The following DYNC2H1 variants were observed in gnomAD, a reference collection of about 807,000 sequenced individuals.
DYNC2H1 encodes the protein cytoplasmic dynein 2 heavy chain 1.
In DYNC2H1, 410 loss-of-function variants were observed where a neutral mutation model predicts 570.0. The ratio of observed to expected loss-of-function variants is 0.72; its 90% CI spans 0.66 to 0.78. The LOEUF is 0.78. Ranked by LOEUF, DYNC2H1 falls within the 30% of genes least tolerant of loss-of-function variation. The pLI is 0.00. For missense variants in DYNC2H1, 4,865 were observed against 5,046.4 expected (o/e 0.96, Z 1.09); for synonymous variants, 1,688 against 1,677.6 (o/e 1.01, Z -0.15).
chr11:103,196,935 A>G (rs1288435114), intron 47 of DYNC2H1, among the ~76,000 whole-genome samples: 1 of 152,098 alleles, frequency 6.6e-6, no homozygotes, highest in Non-Finnish European at 1.5e-5. Flanking sequence ...TAGGGAAGGT[A>G]AGGTTGTTTT....
Position 103,209,853 on chromosome 11 carries a change from G to A in DYNC2H1, c.8455-23G>A. ...GATATGGGACTTATACTCTTTCATA[G>A]TGATATTCTTTTTATGTTTTAGATA... On this transcript the variant is annotated intron_variant, in intron 52 of 88. Coordinates refer to ENST00000375735, the MANE Select transcript of DYNC2H1 (RefSeq NM_001377.3). The surrounding 1 kb of genome is among the most constrained non-coding windows in gnomAD (Gnocchi z 4.2). 4.1e-6 allele frequency: 6 copies of A among 1,450,090 alleles called. No homozygotes were observed. Among genetic ancestry groups the A allele is most frequent in the Non-Finnish European group, 5.5e-6 (6 of 1,097,176 alleles). 89.8% of individuals were successfully genotyped at this position (1,450,090 alleles called of 1,614,324 possible). A position where few individuals can be genotyped will look rare whatever the true frequency, so the allele number is the denominator to read the frequency against.
chr11:103,321,846 CTG>C (rs1056623114), intron 81 of DYNC2H1, among the ~76,000 whole-genome samples: 18 of 151,436 alleles, frequency 1.2e-4, no homozygotes, highest in Non-Finnish European at 2.1e-4. Context: ...ATAAACCTAT[CTG>C]TGTATAAGTG....
chr11:103,406,618 G>A (rs546929578), intron 84 of DYNC2H1: 2 of 152,022 alleles, frequency 1.3e-5, no homozygotes, highest in South Asian at 4.1e-4. Flanking sequence ...GGAATGCGGC[G>A]ATTGTTAAAG....
At chr11:103,311,351 A>G (rs567739574) in intron 78 of DYNC2H1, among the ~76,000 whole-genome samples, 18 of 152,174 alleles carry the variant, frequency 1.2e-4, no homozygotes, top group South Asian at 2.1e-4. Context: ...AGTCTGATAT[A>G]TAATTTCACT....
chr11:103,333,017 C>A (rs975456621), intron 82 of DYNC2H1, among the ~76,000 whole-genome samples: 5 of 143,014 alleles, frequency 3.5e-5, no homozygotes, highest in African/African-American at 1.0e-4. Context: ...AAAAAAAAAT[C>A]TTTCTTAAAT....
chr11:103,417,406 A>C (rs962760535), intron 84 of DYNC2H1, among the ~76,000 whole-genome samples: 4 of 152,126 alleles, frequency 2.6e-5, no homozygotes, highest in Non-Finnish European at 5.9e-5. Flanking sequence ...TGGCCCAATA[A>C]AGTGATTTTT....
Position 103,113,694 on chromosome 11 carries a change from C to A in DYNC2H1, c.353C>A (p.Pro118Gln). 1 of 1,525,938 alleles carries A rather than the reference C, an allele frequency of 6.6e-7. No individual in the cohort carries two copies. Among genetic ancestry groups the A allele is most frequent in the Non-Finnish European group, 8.7e-7 (1 of 1,146,322 alleles). The allele number at this position is 1,525,938 out of a possible 1,614,324, so 94.5% of individuals were successfully genotyped here. ...CAAGCAGTACGGCAAGTATTCGCACCAATGTTGTTAAAGGTGAGAAAAGAA... is the reference window on the plus strand; with the variant it reads ...CAAGCAGTACGGCAAGTATTCGCACAAATGTTGTTAAAGGTGAGAAAAGAA... ...LYQAVRQVFAPMLLKDQEWSR... is the reference protein window; with the variant it reads ...LYQAVRQVFAQMLLKDQEWSR... Residue 118 changes from proline to glutamine, a missense_variant, in exon 2 of 89, where the codon CCA becomes CAA. By Grantham distance (76) the Pro-to-Gln change is moderately conservative. Around this residue, in one of 5 missense-constraint regions of DYNC2H1, gnomAD observed 1,936 missense variants for 1,962.1 expected, o/e 0.99. Coordinates refer to ENST00000375735, the MANE Select transcript of DYNC2H1 (RefSeq NM_001377.3).
At chr11:103,224,984 C>T (rs1284415492) in intron 59 of DYNC2H1, among the ~76,000 whole-genome samples, 1 of 152,100 alleles carries the variant, frequency 6.6e-6, no homozygotes, top group Non-Finnish European at 1.5e-5. Flanking sequence ...TTTTGATTTG[C>T]ATTTCTCTGA....
Position 103,326,273 on chromosome 11 carries a change from C to T in DYNC2H1, c.12039+2283C>T, listed in dbSNP as rs78016744. Among the ~76,000 whole-genome samples, 4,494 of 152,162 alleles carry T rather than the reference C, an allele frequency of 0.03. 240 individuals carry two copies. The highest frequency in any genetic ancestry group is 0.1 in the African/African-American group (4,254 of 41,478). ...GAATAAAATCATCTCACCAGGGCCCCGTCCTTGGCTTTGAGTGAGCCTCTT... is the reference window on the plus strand; with the variant it reads ...GAATAAAATCATCTCACCAGGGCCCTGTCCTTGGCTTTGAGTGAGCCTCTT... On this transcript the variant is annotated intron_variant, in intron 82 of 88. Transcript: ENST00000375735. This position sits in a 1 kb window ranked among gnomAD's most constrained non-coding sequence, Gnocchi z 6.1.
At chr11:103,342,818 A>G (rs955922441) in intron 82 of DYNC2H1, among the ~76,000 whole-genome samples, 21 of 152,082 alleles carry the variant, frequency 1.4e-4, no homozygotes, top group African/African-American at 4.1e-4. Context: ...TAACACTGCA[A>G]AGTTCCACAG....
intron 84 of DYNC2H1, among the ~76,000 whole-genome samples, chr11:103,416,563 G>C (rs1009436932): frequency 1.1e-4 from 17 of 152,170 alleles, no homozygotes; most frequent in Non-Finnish European, 1.5e-4. Context: ...AATGGGGAAA[G>C]GATTTCCTTT....
Position 103,170,347 on chromosome 11 carries a change from T to G in DYNC2H1, c.5151+57T>G. ...ATGGGTTAATCATATTTAGATTAGT[T>G]TCTATTAGTATATGAAATACTCTAC... On this transcript the variant is annotated intron_variant, in intron 33 of 88. Coordinates refer to ENST00000375735, the MANE Select transcript of DYNC2H1 (RefSeq NM_001377.3). This position sits in a 1 kb window ranked among gnomAD's most constrained non-coding sequence, Gnocchi z 4.8. The G allele has an allele frequency of 2.1e-6, 3 of 1,425,616 alleles. No individual in the cohort carries two copies. Among genetic ancestry groups the G allele is most frequent in the Non-Finnish European group, 2.8e-6 (3 of 1,070,430 alleles). The allele number at this position is 1,425,616 out of a possible 1,614,324, so 88.3% of individuals were successfully genotyped here. A position where few individuals can be genotyped will look rare whatever the true frequency, so the allele number is the denominator to read the frequency against.
chr11:103,168,221 A>G (rs1861414602), intron 31 of DYNC2H1, among the ~76,000 whole-genome samples: 1 of 152,208 alleles, frequency 6.6e-6, no homozygotes, highest in Non-Finnish European at 1.5e-5. Context: ...AGCTAGCAGA[A>G]GACCCCTTTC....
chr11:103,390,483 T>C (rs1318199621), intron 83 of DYNC2H1, among the ~76,000 whole-genome samples: 1 of 152,168 alleles, frequency 6.6e-6, no homozygotes, highest in East Asian at 1.9e-4. Flanking sequence ...AATTGGAGCA[T>C]TTAGCCCATT....
intron 10 of DYNC2H1, among the ~76,000 whole-genome samples, 166 bp from the exon 11 acceptor site, chr11:103,122,659 G>A (rs1211556125): frequency 1.3e-5 from 2 of 152,216 alleles, no homozygotes; most frequent in Admixed American, 1.3e-4. Flanking sequence ...CAGAAGCAAA[G>A]TAGGGGTTGA....
In DYNC2H1 at chr11:103,253,342, G is replaced by A. The variant is rs759549373; in HGVS notation, c.10100G>A (p.Arg3367His). The A allele has an allele frequency of 3.4e-5, 55 of 1,612,988 alleles. No individual in the cohort carries two copies. The highest frequency in any genetic ancestry group is 1.7e-4 in the Admixed American group (10 of 59,940). Residue 3367 changes from arginine to histidine, a missense_variant, in exon 66 of 89, where the codon CGC (arginine) becomes CAC (histidine). This residue lies in a region of DYNC2H1 where 2,401 missense variants were observed against 2,454.6 expected (regional missense o/e 0.98). Coordinates refer to ENST00000375735, the MANE Select transcript of DYNC2H1 (RefSeq NM_001377.3). ...ATTATTGACTACAATGAAGAATTCC[G>A]CCTCTTTTTGTCAACAAGAAACCCA... The part of the protein sequence containing the change: ...DKIIDYNEEF[R>H]LFLSTRNPNP...
intron 80 of DYNC2H1, 59 bp from the exon 81 acceptor site, chr11:103,320,970 G>T: frequency 7.7e-7 from 1 of 1,306,948 alleles, no homozygotes; most frequent in Non-Finnish European, 1.1e-6. Context: ...ATAACTCAAG[G>T]CAGGAATTTA....
intron 40 of DYNC2H1, 106 bp from the exon 41 acceptor site, chr11:103,184,790 T>G: frequency 8.3e-7 from 1 of 1,203,796 alleles, no homozygotes; most frequent in Non-Finnish European, 1.1e-6. Flanking sequence ...GGAGTGAGTT[T>G]AAAAATGGTT....
At chr11:103,321,364 T>C in intron 81 of DYNC2H1, 127 bp downstream of exon 81, 2 of 992,804 alleles carry the variant, frequency 2.0e-6, no homozygotes, top group Non-Finnish European at 3.0e-6. Context: ...TTATTTGTTA[T>C]GACAATATAT....
Sources: allele counts gnomAD v4.1 joint callset (sites outside exome capture counted in the v4.1 genomes callset), GRCh38; gene constraint gnomAD v4.1.1; regional missense constraint gnomAD v4.1.1; non-coding constraint Gnocchi (gnomAD v3.1); transcripts MANE v1.5; gene names NCBI Gene and HGNC (gene_info 2026-07-23, HGNC 2026-07-21).